DLGAP1: variants seen among roughly 807,000 people sequenced by gnomAD.
The protein encoded by DLGAP1 is disks large-associated protein 1.
A neutral mutation model predicts 90.8 loss-of-function variants in DLGAP1; 11 were observed. That is an observed-to-expected ratio of 0.12 (90% CI 0.08 to 0.20). The LOEUF is 0.20. DLGAP1 is among the 10% of genes least tolerant of loss of function. The pLI is 1.00. For synonymous variants in DLGAP1, 558 were observed against 540.7 expected (o/e 1.03, Z -0.44); for missense variants, 1,050 against 1,333.8 (o/e 0.79, Z 3.31).
chr18:3,630,059 G>A (rs1471568923), intron 7 of DLGAP1, among the ~76,000 whole-genome samples: 2 of 152,150 alleles, frequency 1.3e-5, no homozygotes, highest in Non-Finnish European at 2.9e-5. Context: ...CAACTTGACT[G>A]GGCCATGTGG....
intron 2 of DLGAP1, among the ~76,000 whole-genome samples, chr18:4,137,338 A>C: frequency 6.6e-6 from 1 of 152,124 alleles, no homozygotes; most frequent in South Asian, 2.1e-4. Context: ...ATTCTTCTGC[A>C]TATGGATATC....
chr18:3,992,940 A>C (rs1048200577), intron 3 of DLGAP1, among the ~76,000 whole-genome samples: 5 of 152,282 alleles, frequency 3.3e-5, no homozygotes, highest in Middle Eastern at 3.4e-3. Context: ...CAGGTAACAA[A>C]ATCCAGTTTT....
intron 1 of DLGAP1, among the ~76,000 whole-genome samples, chr18:4,413,215 G>A (rs2082819531): frequency 6.6e-6 from 1 of 152,130 alleles, no homozygotes; most frequent in South Asian, 2.1e-4. Flanking sequence ...GAAAGGACAT[G>A]AGGAGGAGCA....
At chr18:3,672,292 C>T (rs1277417367) in intron 7 of DLGAP1, among the ~76,000 whole-genome samples, 5 of 150,830 alleles carry the variant, frequency 3.3e-5, no homozygotes, top group East Asian at 2.0e-4. Context: ...TGAAAGTTAA[C>T]AAGAGCAGGG....
chr18:3,854,921 C>T (rs1463321096), intron 4 of DLGAP1, among the ~76,000 whole-genome samples: 1 of 152,126 alleles, frequency 6.6e-6, no homozygotes, highest in Non-Finnish European at 1.5e-5. Flanking sequence ...ACACCATAAG[C>T]TAAGAGGGAT....
intron 10 of DLGAP1, among the ~76,000 whole-genome samples, chr18:3,518,465 TGA>T (rs2050976114): frequency 6.6e-6 from 1 of 152,070 alleles, no homozygotes; most frequent in South Asian, 2.1e-4. Flanking sequence ...CATATGCTTT[TGA>T]AAAGATGGTG....
chr18:4,046,558 A>G (rs1028759357), intron 2 of DLGAP1, among the ~76,000 whole-genome samples: 2 of 152,264 alleles, frequency 1.3e-5, no homozygotes, highest in Non-Finnish European at 1.5e-5. Context: ...TAAGTGTTAG[A>G]ATATAGGTCT....
At chr18:3,743,706 A>G (rs1462910105) in intron 5 of DLGAP1, among the ~76,000 whole-genome samples, 1 of 151,848 alleles carries the variant, frequency 6.6e-6, no homozygotes, top group Non-Finnish European at 1.5e-5. Flanking sequence ...GCTGGAGTGC[A>G]GTGGCATGAT....
chr18:4,111,672 G>A (rs895571522), intron 2 of DLGAP1, among the ~76,000 whole-genome samples: 3 of 151,892 alleles, frequency 2.0e-5, no homozygotes, highest in Admixed American at 6.6e-5. Context: ...CTGATAATTC[G>A]TGTTTTTCTA....
rs760359132 is a variant in DLGAP1 at position 4,378,614 on chromosome 18, G to GA, written c.-267+76391_-267+76392insT. 3.9e-5 allele frequency among the ~76,000 whole-genome samples: 6 copies of GA among 152,000 alleles called. No individual in the cohort carries two copies. The highest frequency in any genetic ancestry group is 7.4e-5 in the Non-Finnish European group (5 of 67,992). Reference sequence around the variant, plus strand: ...TTAGAGTGCTTAAGAATCCATGGTGGGGAGGCACACTACACAATTTGAAAG... The same window carrying GA: ...TTAGAGTGCTTAAGAATCCATGGTGGAGGAGGCACACTACACAATTTGAAAG... On this transcript the variant is annotated intron_variant, in intron 1 of 12. Transcript: ENST00000315677. This position sits in a 1 kb window ranked among gnomAD's most constrained non-coding sequence, Gnocchi z 4.5.
intron 3 of DLGAP1, among the ~76,000 whole-genome samples, chr18:3,939,944 T>C (rs757821453): frequency 1.3e-4 from 20 of 152,192 alleles, no homozygotes; most frequent in Non-Finnish European, 2.5e-4. Flanking sequence ...TCCTCAACAA[T>C]CACTGCCTCC....
At chr18:3,628,273 T>G (rs2058385927) in intron 7 of DLGAP1, among the ~76,000 whole-genome samples, 1 of 149,030 alleles carries the variant, frequency 6.7e-6, no homozygotes, top group Admixed American at 6.8e-5. Flanking sequence ...CGCTGTAACC[T>G]CTGCCTCCCG....
chr18:3,521,747 A>G (rs1193950405), intron 10 of DLGAP1, among the ~76,000 whole-genome samples: 2 of 152,158 alleles, frequency 1.3e-5, no homozygotes, highest in Non-Finnish European at 2.9e-5. Flanking sequence ...GAGCTCTTTG[A>G]TGGCCTAGAC....
At chr18:4,115,174 G>A (rs114859389) in intron 2 of DLGAP1, among the ~76,000 whole-genome samples, 217 of 151,998 alleles carry the variant, frequency 1.4e-3, no homozygotes, top group African/African-American at 4.8e-3. Context: ...TATCAAAATC[G>A]ACTTCAGATT....
At chr18:4,058,335 C>T (rs964621523) in intron 2 of DLGAP1, among the ~76,000 whole-genome samples, 2 of 152,148 alleles carry the variant, frequency 1.3e-5, no homozygotes, top group Admixed American at 6.5e-5. Context: ...GAAATAGACT[C>T]CCTTTCATAT....
chr18:4,367,560 G>T (rs1455843311), intron 1 of DLGAP1, among the ~76,000 whole-genome samples: 1 of 152,064 alleles, frequency 6.6e-6, no homozygotes. Flanking sequence ...GGAATAGAGG[G>T]CACATTCAGA....
intron 3 of DLGAP1, among the ~76,000 whole-genome samples, chr18:3,961,476 G>A (rs1036405516): frequency 6.7e-4 from 102 of 152,238 alleles, no homozygotes; most frequent in African/African-American, 1.8e-3. Context: ...GACTTAGGAC[G>A]GGAATACAAA....
intron 1 of DLGAP1, among the ~76,000 whole-genome samples, chr18:4,200,428 T>C (rs989220327): frequency 8.6e-5 from 13 of 151,732 alleles, no homozygotes; most frequent in African/African-American, 2.2e-4. Context: ...CAATTGCTTA[T>C]TTATAATATT....
At chr18:3,796,867 G>A (rs1486945523) in intron 5 of DLGAP1, among the ~76,000 whole-genome samples, 1 of 152,184 alleles carries the variant, frequency 6.6e-6, no homozygotes, top group Non-Finnish European at 1.5e-5. Flanking sequence ...TATACTCAAA[G>A]ATAGAAAATA....
Sources: gnomAD v4.1 joint callset for allele counts (sites outside exome capture counted in the v4.1 genomes callset) on GRCh38, gnomAD v4.1.1 for gene constraint, Gnocchi (gnomAD v3.1) non-coding constraint, MANE v1.5 for transcripts, NCBI Gene and HGNC (gene_info 2026-07-23, HGNC 2026-07-21) for gene names.